SLC12A8: variants seen among roughly 807,000 people sequenced by gnomAD.
SLC12A8 encodes the protein cation-chloride cotransporter 9.
A neutral mutation model predicts 75.6 loss-of-function variants in SLC12A8; 69 were observed. The observed-to-expected ratio is 0.91, with a 90% CI of 0.75 to 1.11. The LOEUF is 1.11. SLC12A8 is among the 50% of genes most tolerant of loss of function. The pLI is 0.00. For missense variants in SLC12A8, 877 were observed against 896.7 expected (o/e 0.98, Z 0.28); for synonymous variants, 365 against 372.8 (o/e 0.98, Z 0.24).
At chr3:125,139,594 C>G (rs961957577) in intron 5 of SLC12A8, among the ~76,000 whole-genome samples, 2 of 152,160 alleles carry the variant, frequency 1.3e-5, no homozygotes, top group African/African-American at 4.8e-5. Flanking sequence ...TTTCCCACAC[C>G]CTGAACCTGG....
chr3:125,195,877 C>T (rs1306594312), intron 2 of SLC12A8, among the ~76,000 whole-genome samples: 1 of 152,170 alleles, frequency 6.6e-6, no homozygotes, highest in Non-Finnish European at 1.5e-5. Flanking sequence ...CTGCCCTTCC[C>T]AACCTCCTTA....
At chr3:125,100,029 A>C (rs1938826967) in intron 10 of SLC12A8, among the ~76,000 whole-genome samples, 1 of 152,264 alleles carries the variant, frequency 6.6e-6, no homozygotes, top group Non-Finnish European at 1.5e-5. Context: ...ACTAGATGCT[A>C]TCAACAGAAG....
intron 5 of SLC12A8, among the ~76,000 whole-genome samples, chr3:125,173,010 C>T (rs961168241): frequency 7.2e-5 from 11 of 152,170 alleles, no homozygotes; most frequent in African/African-American, 2.4e-5. Context: ...GAAACACTGT[C>T]TCTACCAAAA....
At chr3:125,115,390 G>A (rs1218798974) in intron 8 of SLC12A8, among the ~76,000 whole-genome samples, 1 of 152,134 alleles carries the variant, frequency 6.6e-6, no homozygotes, top group Non-Finnish European at 1.5e-5. Context: ...AGGCATGGTG[G>A]CATGTGCCTG....
chr3:125,178,488 A>G (rs892970788), intron 4 of SLC12A8, among the ~76,000 whole-genome samples: 1 of 152,226 alleles, frequency 6.6e-6, no homozygotes, highest in Non-Finnish European at 1.5e-5. Context: ...ATATGTGGCA[A>G]AGGCTACCCA....
intron 5 of SLC12A8, among the ~76,000 whole-genome samples, chr3:125,176,873 G>A (rs951234835): frequency 2.7e-5 from 4 of 150,854 alleles, no homozygotes; most frequent in Non-Finnish European, 4.4e-5. Flanking sequence ...TTACACTGTT[G>A]GTGGGACTGT....
intron 5 of SLC12A8, among the ~76,000 whole-genome samples, chr3:125,167,697 C>G (rs899467150): frequency 1.3e-5 from 2 of 152,196 alleles, no homozygotes; most frequent in Non-Finnish European, 2.9e-5. Flanking sequence ...GGATTTCAGA[C>G]CATGCCTTCT....
At chr3:125,149,537 C>T (rs1933868059) in intron 5 of SLC12A8, among the ~76,000 whole-genome samples, 2 of 152,198 alleles carry the variant, frequency 1.3e-5, no homozygotes, top group Admixed American at 6.5e-5. Flanking sequence ...ATGCCTAAAG[C>T]ATTAGTTTCT....
intron 2 of SLC12A8, among the ~76,000 whole-genome samples, chr3:125,194,473 G>A (rs1278725956): frequency 6.6e-6 from 1 of 152,160 alleles, no homozygotes; most frequent in Non-Finnish European, 1.5e-5. Flanking sequence ...TAGAAAGGTG[G>A]GGAAGTTGCA....
At chr3:125,170,232 G>A (rs1349858711) in intron 5 of SLC12A8, among the ~76,000 whole-genome samples, 1 of 152,186 alleles carries the variant, frequency 6.6e-6, no homozygotes, top group African/African-American at 2.4e-5. Flanking sequence ...AGGCAATCTG[G>A]TAGAACCTAA....
chr3:125,195,011 C>T (rs1044624827), intron 2 of SLC12A8, among the ~76,000 whole-genome samples: 5 of 152,204 alleles, frequency 3.3e-5, no homozygotes, highest in African/African-American at 9.7e-5. Flanking sequence ...TTCCATGGGC[C>T]ACAGTCCACA....
In SLC12A8 at chr3:125,114,219, C is replaced by T. The variant is rs551565128; in HGVS notation, c.913-3884G>A. ...TTCCTGAGAGGCAGGACTGTGTCCA[C>T]GATGGAGGGCAGAGGACACTCAGGC... is the stretch of plus-strand genomic sequence containing the variant. On this transcript the variant is annotated intron_variant, in intron 8 of 13. Transcript: ENST00000469902. Among the ~76,000 whole-genome samples the T allele has an allele frequency of 6.7e-4, 102 of 152,264 alleles. 1 individual carries two copies. The South Asian group carries it at 0.013, about 20-fold the overall frequency.
chr3:125,124,207 C>T (rs930653243), intron 6 of SLC12A8, among the ~76,000 whole-genome samples: 3 of 152,122 alleles, frequency 2.0e-5, no homozygotes, highest in Non-Finnish European at 4.4e-5. Context: ...ACACAAAGAG[C>T]CAGAAACAAG....
Position 125,144,340 on chromosome 3 carries a change from G to A in SLC12A8, c.623-8558C>T, listed in dbSNP as rs181771766. On this transcript the variant is annotated intron_variant, in intron 5 of 13. Transcript: ENST00000469902. Reference sequence around the variant, plus strand: ...ACAGAGAGGCAACTGGGATTCAAACGTTGTGCTGCCACTGCTGCAGCAGTG... The same window carrying A: ...ACAGAGAGGCAACTGGGATTCAAACATTGTGCTGCCACTGCTGCAGCAGTG... Among the ~76,000 whole-genome samples the A allele has an allele frequency of 9.8e-5, 15 of 152,286 alleles. No individual in the cohort carries two copies. In the East Asian group the frequency reaches 2.9e-3, roughly 29 times the overall value.
At chr3:125,147,599 C>T (rs747109104) in intron 5 of SLC12A8, among the ~76,000 whole-genome samples, 1 of 152,200 alleles carries the variant, frequency 6.6e-6, no homozygotes, top group Non-Finnish European at 1.5e-5. Context: ...GCTGCAGTCA[C>T]TGGGGTGCTG....
intron 5 of SLC12A8, among the ~76,000 whole-genome samples, chr3:125,144,707 T>C (rs987103519): frequency 2.0e-5 from 3 of 152,088 alleles, no homozygotes; most frequent in Non-Finnish European, 4.4e-5. Context: ...ACCCCCAAAA[T>C]AATCCTAACT....
intron 5 of SLC12A8, among the ~76,000 whole-genome samples, chr3:125,151,938 G>A (rs1191870997): frequency 2.6e-5 from 4 of 152,176 alleles, no homozygotes; most frequent in Non-Finnish European, 5.9e-5. Flanking sequence ...TAATCTGTGA[G>A]GCAGATATTA....
chr3:125,195,195 C>T (rs1193636627), intron 2 of SLC12A8, among the ~76,000 whole-genome samples: 1 of 152,224 alleles, frequency 6.6e-6, no homozygotes, highest in Admixed American at 6.5e-5. Context: ...GCTGCTTTCC[C>T]CAGCTAACTT....
chr3:125,128,439 C>T (rs1294921614), intron 6 of SLC12A8, among the ~76,000 whole-genome samples: 3 of 149,760 alleles, frequency 2.0e-5, no homozygotes, highest in Non-Finnish European at 4.4e-5. Flanking sequence ...CTCGGCCTCC[C>T]AAAGTGCTGG....
Sources: gnomAD v4.1 joint callset for allele counts (sites outside exome capture counted in the v4.1 genomes callset) on GRCh38, gnomAD v4.1.1 for gene constraint, MANE v1.5 for transcripts, NCBI Gene and HGNC (gene_info 2026-07-23, HGNC 2026-07-21) for gene names.